RAI2: variants seen among roughly 807,000 people sequenced by gnomAD.
RAI2 encodes retinoic acid-induced protein 2.
A neutral mutation model predicts 15.3 loss-of-function variants in RAI2; 5 were observed. That is an observed-to-expected ratio of 0.33 (90% CI 0.17 to 0.69). The LOEUF (loss-of-function observed/expected upper bound fraction) is 0.69. RAI2 is among the 30% of genes least tolerant of loss of function. The probability of loss-of-function intolerance (pLI) is 0.69; values close to 1 mark genes in which losing one functional copy is unlikely to be tolerated. For synonymous variants in RAI2, 191 were observed against 184.0 expected (o/e 1.04, Z -0.31); for missense variants, 424 against 424.7 (o/e 1.00, Z 0.01).
chrX:17,827,156 T>C (rs2067235450), intron 1 of RAI2, among the ~76,000 whole-genome samples: 1 of 111,969 alleles, frequency 8.9e-6, no homozygotes, highest in Non-Finnish European at 1.9e-5. Flanking sequence ...AGAACTTGAC[T>C]TTGAGACTAC....
intron 1 of RAI2, among the ~76,000 whole-genome samples, chrX:17,842,375 C>T (rs1010016382): frequency 9.0e-6 from 1 of 111,541 alleles, no homozygotes; most frequent in Non-Finnish European, 1.9e-5. Context: ...TGAGGATAAA[C>T]TGTCGTCATT....
Position 17,800,591 on chromosome X carries a change from C to T in RAI2, c.1420G>A (p.Val474Met), listed in dbSNP as rs147416008. The T allele has an allele frequency of 1.1e-4, 138 of 1,209,512 alleles. No homozygotes were observed. The highest frequency in any genetic ancestry group is 1.0e-3 in the African/African-American group (57 of 57,095). The change falls in exon 2 of 2, where the codon GTG (valine) becomes ATG (methionine). Residue 474 changes from valine to methionine, a missense_variant. By Grantham distance (21) the Val-to-Met change is conservative. Transcript: ENST00000451717. Reference protein sequence around the residue: ...KNFSFKREDSVLQGYDINSQG... With the variant: ...KNFSFKREDSMLQGYDINSQG... ...CTGTTGATGTCATAGCCCTGAAGCACGGAGTCTTCTCTTTTGAAGGAGAAG... is the reference window on the plus strand; with the variant it reads ...CTGTTGATGTCATAGCCCTGAAGCATGGAGTCTTCTCTTTTGAAGGAGAAG...
chrX:17,819,098 C>T (rs2067137589), intron 1 of RAI2, among the ~76,000 whole-genome samples: 1 of 111,991 alleles, frequency 8.9e-6, no homozygotes, highest in Non-Finnish European at 1.9e-5. Flanking sequence ...CGGCCTTGAG[C>T]TTGCCCTGAG....
chrX:17,847,167 C>G (rs1037361547), intron 1 of RAI2, among the ~76,000 whole-genome samples: 1 of 112,048 alleles, frequency 8.9e-6, no homozygotes, highest in African/African-American at 3.2e-5. Context: ...CAGACTAATA[C>G]AAAGCCATCA....
intron 1 of RAI2, among the ~76,000 whole-genome samples, chrX:17,806,418 C>G (rs1359884550): frequency 8.9e-6 from 1 of 112,371 alleles, no homozygotes; most frequent in East Asian, 2.8e-4. Flanking sequence ...TCCCCATTAT[C>G]CCCAGGGGTG....
At chrX:17,856,268 G>A (rs996075176) in intron 1 of RAI2, among the ~76,000 whole-genome samples, 3 of 112,124 alleles carry the variant, frequency 2.7e-5, no homozygotes, top group African/African-American at 9.7e-5. Flanking sequence ...GTCTGAATGT[G>A]TCTGTCCCCT....
intron 1 of RAI2, among the ~76,000 whole-genome samples, chrX:17,833,235 T>C (rs936153272): frequency 8.9e-6 from 1 of 111,793 alleles, no homozygotes; most frequent in Non-Finnish European, 1.9e-5. Context: ...TTCATATGAA[T>C]TTCGGGCTGG....
At chrX:17,850,839 G>A (rs1430115058) in intron 1 of RAI2, among the ~76,000 whole-genome samples, 2 of 112,968 alleles carry the variant, frequency 1.8e-5, no homozygotes, top group Admixed American at 1.9e-4. Flanking sequence ...GTAAGAGAAA[G>A]TTTCACACCA....
chrX:17,813,916 T>C (rs1182077612), intron 1 of RAI2, among the ~76,000 whole-genome samples: 1 of 111,687 alleles, frequency 9.0e-6, no homozygotes, highest in African/African-American at 3.3e-5. Flanking sequence ...TCACCTATTA[T>C]GTGCTTTGAA....
At chrX:17,821,328 C>T (rs1007275171) in intron 1 of RAI2, among the ~76,000 whole-genome samples, 2 of 111,787 alleles carry the variant, frequency 1.8e-5, no homozygotes, top group Non-Finnish European at 3.8e-5. Flanking sequence ...TGTGCCAGCA[C>T]CATGTTGTCT....
intron 1 of RAI2, among the ~76,000 whole-genome samples, chrX:17,854,068 C>A (rs2067568377): frequency 8.9e-6 from 1 of 112,042 alleles, no homozygotes; most frequent in Non-Finnish European, 1.9e-5. Flanking sequence ...AACAGGCAGA[C>A]AAAAACCTTA....
chrX:17,846,919 C>T (rs182776577), intron 1 of RAI2, among the ~76,000 whole-genome samples: 89 of 111,789 alleles, frequency 8.0e-4, no homozygotes, highest in Non-Finnish European at 1.6e-3. Context: ...GAGTGGTTTC[C>T]CCCATACTGT....
rs2067650727 is a variant in RAI2 at position 17,858,727 on chromosome X, C to G, written c.-25+2371G>C. On this transcript the variant is annotated intron_variant, in intron 1 of 1. Coordinates refer to ENST00000451717, the MANE Select transcript of RAI2 (RefSeq NM_021785.6). ...GTGTCTTACAGTTCTTCCCCAGCTGCCCACCAAACCGTGTTCTCACCCCAG... is the reference window on the plus strand; with the variant it reads ...GTGTCTTACAGTTCTTCCCCAGCTGGCCACCAAACCGTGTTCTCACCCCAG... Among the ~76,000 whole-genome samples, 3 of 112,564 alleles carry G rather than the reference C, an allele frequency of 2.7e-5. No individual in the cohort carries two copies. In the Admixed American group the frequency reaches 2.8e-4, roughly 11 times the overall value.
chrX:17,854,224 A>G (rs1200468245), intron 1 of RAI2, among the ~76,000 whole-genome samples: 1 of 112,169 alleles, frequency 8.9e-6, no homozygotes, highest in Non-Finnish European at 1.9e-5. Flanking sequence ...AAATGCCCTC[A>G]AAACTAGGAT....
intron 1 of RAI2, among the ~76,000 whole-genome samples, chrX:17,824,014 A>C (rs1316342043): frequency 1.8e-5 from 2 of 112,624 alleles, no homozygotes; most frequent in Non-Finnish European, 3.8e-5. Context: ...ATTTGTTTAC[A>C]GGTCCACAGT....
At position 17,801,423 on chromosome X, in the gene RAI2, G is replaced by A. The variant is rs376559551; in HGVS notation, c.588C>T (p.Gly196=). 1.6e-5 allele frequency: 18 copies of A among 1,159,514 alleles called. No homozygotes were observed. Among genetic ancestry groups the A allele is most frequent in the Non-Finnish European group, 2.0e-5 (17 of 870,068 alleles). ...AVLQNLFPSQ[G]TLGPPPCQPP... ...GCTGACAGGGTGGGGGCCCGAGAGT[G>A]CCCTGGGAGGGAAACAAATTCTGGA... Residue 196 remains glycine (G), a synonymous_variant, in exon 2 of 2, where the codon GGC becomes GGT. Transcript: ENST00000451717.
intron 1 of RAI2, among the ~76,000 whole-genome samples, chrX:17,844,094 C>A (rs915627722): frequency 4.5e-5 from 5 of 112,297 alleles, no homozygotes; most frequent in African/African-American, 1.3e-4. Context: ...TTTGCTGATG[C>A]CGCTCCAGAC....
rs766441584 is a variant in RAI2, at chrX:17,839,527, C to G, written c.-25+21571G>C. Among the ~76,000 whole-genome samples the G allele has an allele frequency of 5.3e-5, 6 of 112,597 alleles. No homozygotes were observed. The South Asian group carries it at 2.2e-3, about 41-fold the overall frequency. Reference sequence around the variant, plus strand: ...CAGCCTTCTGAGATCCTGGAAAACCCTTTTTCTGCTGTTGTTACCTTAACT... The same window carrying G: ...CAGCCTTCTGAGATCCTGGAAAACCGTTTTTCTGCTGTTGTTACCTTAACT... On this transcript the variant is annotated intron_variant, in intron 1 of 1. Coordinates refer to ENST00000451717, the MANE Select transcript of RAI2 (RefSeq NM_021785.6).
chrX:17,812,714 TCTCA>T (rs1428554743), intron 1 of RAI2, among the ~76,000 whole-genome samples: 2 of 112,013 alleles, frequency 1.8e-5, no homozygotes, highest in Non-Finnish European at 3.8e-5. Context: ...AAGCTCATTT[TCTCA>T]CTCACAAAAA....
Sources: allele counts gnomAD v4.1 joint callset (sites outside exome capture counted in the v4.1 genomes callset), GRCh38; gene constraint gnomAD v4.1.1; transcripts MANE v1.5; gene names NCBI Gene and HGNC (gene_info 2026-07-23, HGNC 2026-07-21).